The following BOLL variants were observed in gnomAD, a reference collection of about 807,000 sequenced individuals.
BOLL encodes the protein protein boule-like.
Under a neutral mutation model 44.4 loss-of-function variants are expected in BOLL, and 23 were observed. The observed-to-expected ratio is 0.52, with a 90% CI of 0.37 to 0.73. The LOEUF is 0.73. Ranked by LOEUF, BOLL falls within the 30% of genes least tolerant of loss-of-function variation. The probability of loss-of-function intolerance (pLI) is 0.00; values close to 1 mark genes in which losing one functional copy is unlikely to be tolerated. For synonymous variants in BOLL, 97 were observed against 110.8 expected (o/e 0.88, Z 0.78); for missense variants, 287 against 338.3 (o/e 0.85, Z 1.19).
chr2:197,760,217 A>G (rs191341332), intron 7 of BOLL, among the ~76,000 whole-genome samples: 1 of 152,278 alleles, frequency 6.6e-6, no homozygotes, highest in Admixed American at 6.5e-5. Flanking sequence ...CCTATGTCCC[A>G]GACTTGAGAA....
At chr2:197,778,289 C>T (rs775622739) in intron 3 of BOLL, among the ~76,000 whole-genome samples, 8 of 151,998 alleles carry the variant, frequency 5.3e-5, no homozygotes, top group Admixed American at 3.3e-4. Flanking sequence ...ATGTATGTCT[C>T]GTCTCTCTTT....
intron 6 of BOLL, 141 bp from the exon 7 acceptor site, chr2:197,766,744 G>T (rs1689018687): frequency 1.6e-6 from 1 of 615,040 alleles, no homozygotes; most frequent in Non-Finnish European, 2.9e-6. Flanking sequence ...TTATTGATAT[G>T]ATTACCAACT....
chr2:197,735,202 C>T (rs184262223), intron 10 of BOLL, among the ~76,000 whole-genome samples: 4 of 151,978 alleles, frequency 2.6e-5, no homozygotes, highest in Admixed American at 6.6e-5. Context: ...ATTATTCCTG[C>T]CATTCTGAAA....
intron 7 of BOLL, among the ~76,000 whole-genome samples, chr2:197,765,072 C>T (rs1014214629): frequency 5.0e-4 from 76 of 151,776 alleles, no homozygotes; most frequent in African/African-American, 1.8e-3. Flanking sequence ...ATTACAGCTA[C>T]CTCAGGAATG....
intron 6 of BOLL, among the ~76,000 whole-genome samples, chr2:197,770,473 C>T (rs1258090129): frequency 2.6e-5 from 4 of 152,076 alleles, no homozygotes; most frequent in Non-Finnish European, 5.9e-5. Flanking sequence ...AAAGCCATGG[C>T]CACAAATCCA....
chr2:197,785,227 T>A lies in BOLL; in HGVS notation c.-187A>T, dbSNP rs377134554. 32 of 985,742 alleles carry A rather than the reference T, an allele frequency of 3.2e-5. No homozygotes were observed. In the South Asian group the frequency reaches 1.2e-3, roughly 36 times the overall value. The allele number at this position is 985,742 out of a possible 1,614,324, so 61.1% of individuals were successfully genotyped here. On this transcript the variant is annotated 5_prime_UTR_variant, in exon 1 of 11. Coordinates refer to ENST00000392296, the MANE Select transcript of BOLL (RefSeq NM_033030.6). This position sits in a 1 kb window ranked among gnomAD's most constrained non-coding sequence, Gnocchi z 6.7. ...CAAAGTGCGGGAGGGAAAAGAAGGC[T>A]AGCCAGCGAGAAATTTTGCCCCACA...
At chr2:197,768,754 T>A (rs1689105430) in intron 6 of BOLL, among the ~76,000 whole-genome samples, 1 of 148,278 alleles carries the variant, frequency 6.7e-6, no homozygotes, top group Non-Finnish European at 1.5e-5. Context: ...TCAAAGGGAA[T>A]ACTTCCAGTT....
At chr2:197,755,414 A>G (rs1424414193) in intron 9 of BOLL, among the ~76,000 whole-genome samples, 1 of 152,244 alleles carries the variant, frequency 6.6e-6, no homozygotes, top group Non-Finnish European at 1.5e-5. Flanking sequence ...AAAGAATATA[A>G]ATCATTCTAT....
chr2:197,756,282 A>C (rs1016696360), intron 9 of BOLL, 146 bp downstream of exon 9: 2 of 776,670 alleles, frequency 2.6e-6, no homozygotes, highest in Admixed American at 8.0e-5. Flanking sequence ...TCTTAGATAT[A>C]AGAAAGGGGA....
At chr2:197,728,728 G>A (rs1254029034) in intron 10 of BOLL, 150 bp from the exon 11 acceptor site, 3 of 543,254 alleles carry the variant, frequency 5.5e-6, no homozygotes, top group Non-Finnish European at 9.2e-6. Context: ...AAAGTGAGAG[G>A]CTAGCAATTT....
intron 9 of BOLL, among the ~76,000 whole-genome samples, chr2:197,746,588 C>G (rs372625722): frequency 2.0e-5 from 3 of 152,006 alleles, no homozygotes; most frequent in African/African-American, 7.3e-5. Flanking sequence ...ATGTGCAGAA[C>G]GTGAAAAAGT....
At position 197,781,755 on chromosome 2, in the gene BOLL, A is replaced by G; in HGVS notation, c.96T>C (p.Pro32=). 6.3e-7 allele frequency: 1 copy of G among 1,583,968 alleles called. No individual in the cohort carries two copies. Among genetic ancestry groups the G allele is most frequent in the Non-Finnish European group, 8.6e-7 (1 of 1,160,100 alleles). ...CAATTCCTCCTACAAAGATGCGATT[A>G]GGGATCACTGTTCCATATCTTGGGG... is the stretch of plus-strand genomic sequence containing the variant. ...TSAPRYGTVI[P]NRIFVGGIDF... The change falls in exon 2 of 11, where the codon CCT becomes CCC. Residue 32 remains proline, a synonymous_variant. Transcript: ENST00000392296.
chr2:197,757,326 A>T, intron 8 of BOLL, 27 bp downstream of exon 8: 1 of 1,583,658 alleles, frequency 6.3e-7, no homozygotes, highest in South Asian at 1.1e-5. Context: ...AAGGATTTAA[A>T]ATTATATATT....
intron 1 of BOLL, 79 bp downstream of exon 1, chr2:197,784,977 T>G: frequency 1.2e-5 from 12 of 985,962 alleles, no homozygotes; most frequent in Non-Finnish European, 1.4e-5. Context: ...GTGCCCTCAC[T>G]GGCCCCTCCC....
chr2:197,729,292 C>T (rs868174464), intron 10 of BOLL, among the ~76,000 whole-genome samples: 2 of 152,220 alleles, frequency 1.3e-5, no homozygotes, highest in African/African-American at 2.4e-5. Context: ...GATTATATCT[C>T]GCACCTGGCT....
At chr2:197,758,839 A>G (rs1688627972) in intron 7 of BOLL, 1 of 843,786 alleles carries the variant, frequency 1.2e-6, no homozygotes. Flanking sequence ...GACATATGTT[A>G]ACATTAAAAA....
chr2:197,781,596 A>G (rs114642691), intron 2 of BOLL, 126 bp downstream of exon 2: 13,873 of 971,646 alleles, frequency 0.014, 131 homozygotes, highest in South Asian at 0.031. Flanking sequence ...TCTTTATAAT[A>G]AGATAATTCA....
chr2:197,777,072 T>G lies in BOLL; in HGVS notation c.263A>C (p.Lys88Thr), dbSNP rs751862100. The G allele has an allele frequency of 3.2e-6, 5 of 1,576,256 alleles. No homozygotes were observed. The highest frequency in any genetic ancestry group is 4.3e-6 in the Non-Finnish European group (5 of 1,155,078). ...VTFETQEDAQ[K>T]ILQEAEKLNY... ...AAAAGATCATACCTCTTGTAAAATT[T>G]TTTGTGCATCTTCTTGTGTTTCAAA... Residue 88 changes from lysine (K) to threonine (T), a missense_variant, in exon 4 of 11, where the codon AAA becomes ACA. By Grantham distance (78) the Lys-to-Thr change is moderately conservative. Coordinates refer to ENST00000392296, the MANE Select transcript of BOLL (RefSeq NM_033030.6).
chr2:197,741,319 G>T (rs965853690), intron 10 of BOLL, among the ~76,000 whole-genome samples: 16 of 152,166 alleles, frequency 1.1e-4, no homozygotes, highest in African/African-American at 3.6e-4. Flanking sequence ...TGTGATGTTT[G>T]TACATTGATT....
Sources: gnomAD v4.1 joint callset for allele counts (sites outside exome capture counted in the v4.1 genomes callset) on GRCh38, gnomAD v4.1.1 for gene constraint, Gnocchi (gnomAD v3.1) non-coding constraint, MANE v1.5 for transcripts, NCBI Gene and HGNC (gene_info 2026-07-23, HGNC 2026-07-21) for gene names.